The following SP140 variants were observed in gnomAD, a reference collection of about 807,000 sequenced individuals.
SP140 encodes SP140 nuclear body protein.
A neutral mutation model predicts 125.0 loss-of-function variants in SP140; 81 were observed. The observed-to-expected ratio is 0.65, with a 90% confidence interval of 0.54 to 0.78. The LOEUF is 0.78. SP140 is among the 30% of genes least tolerant of loss of function. SP140 has a pLI of 0.00. For missense variants in SP140, 858 were observed against 1,037.0 expected (o/e 0.83, Z 2.37); for synonymous variants, 312 against 354.0 (o/e 0.88, Z 1.33).
intron 15 of SP140, among the ~76,000 whole-genome samples, chr2:230,276,599 C>G (rs2054745460): frequency 6.6e-6 from 1 of 152,062 alleles, no homozygotes; most frequent in Non-Finnish European, 1.5e-5. Flanking sequence ...ATTCTGCAGC[C>G]CATGGATCAA....
At position 230,272,357 on chromosome 2, in the gene SP140, C is replaced by A. The variant is rs2054054841; in HGVS notation, c.1498+1718C>A. ...TAACTGATATGGTTTGGCTGTGTCCCCACTCAAATCTCATCTTGAATTGTA... is the reference window on the plus strand; with the variant it reads ...TAACTGATATGGTTTGGCTGTGTCCACACTCAAATCTCATCTTGAATTGTA... On this transcript the variant is annotated intron_variant, in intron 15 of 26. Transcript: ENST00000392045. Among the ~76,000 whole-genome samples the A allele has an allele frequency of 2.6e-5, 4 of 152,124 alleles. No homozygotes were observed. The South Asian group carries it at 8.3e-4, about 31-fold the overall frequency.
chr2:230,281,233 A>G (rs1437013720), intron 15 of SP140, among the ~76,000 whole-genome samples: 2 of 152,212 alleles, frequency 1.3e-5, no homozygotes, highest in Non-Finnish European at 2.9e-5. Flanking sequence ...TAGATTCACA[A>G]TTAACATTGT....
At chr2:230,289,174 A>G (rs1332046630) in intron 18 of SP140, among the ~76,000 whole-genome samples, 1 of 152,158 alleles carries the variant, frequency 6.6e-6, no homozygotes, top group Non-Finnish European at 1.5e-5. Flanking sequence ...CTGGCGTGAG[A>G]TGGTATCTCA....
intron 15 of SP140, among the ~76,000 whole-genome samples, chr2:230,272,529 G>C (rs2054083555): frequency 6.6e-6 from 1 of 152,086 alleles, no homozygotes; most frequent in African/African-American, 2.4e-5. Flanking sequence ...CCCTGCACAA[G>C]CTCTCTCTCT....
In SP140 at chr2:230,312,573, A is replaced by G; in HGVS notation, c.2506-13A>G. 1 of 1,562,972 alleles carries G rather than the reference A, an allele frequency of 6.4e-7. No individual in the cohort carries two copies. The highest frequency in any genetic ancestry group is 8.8e-7 in the Non-Finnish European group (1 of 1,136,726). ...GATGAGGAGCATTGTTTTTGTCTTT[A>G]TTATTTTTTCAGTACAAGGATTTTG... On this transcript the variant is annotated splice_polypyrimidine_tract_variant and intron_variant, in intron 26 of 26. Transcript: ENST00000392045.
chr2:230,187,741 A>C, the SP140 span, among the ~76,000 whole-genome samples: 2 of 152,170 alleles, frequency 1.3e-5, no homozygotes, highest in African/African-American at 4.8e-5. Flanking sequence ...CCATTTATTA[A>C]ATATGGTGTC....
chr2:230,227,218 C>A (rs775799354), intron 1 of SP140, among the ~76,000 whole-genome samples: 2 of 152,100 alleles, frequency 1.3e-5, no homozygotes, highest in Non-Finnish European at 2.9e-5. Context: ...TGGTACAGCC[C>A]CAAGAAAGCA....
intron 3 of SP140, chr2:230,220,249 G>C (rs1261873864): frequency 6.1e-6 from 1 of 162,856 alleles, no homozygotes; most frequent in Non-Finnish European, 1.3e-5. Context: ...TGGGAACTCA[G>C]CGTCCAAATG....
At chr2:230,206,595 T>TTTTATATATATATATATA (rs1317441117) in intron 1 of SP140, among the ~76,000 whole-genome samples, 1 of 70,530 alleles carries the variant, frequency 1.4e-5, no homozygotes, top group Non-Finnish European at 2.8e-5. Flanking sequence ...GGTCCAGATT[T>TTTTATATATATATATATA]TATATATATA....
At chr2:230,241,555 C>A in intron 4 of SP140, 68 bp downstream of exon 4, 5 of 879,552 alleles carry the variant, frequency 5.7e-6, no homozygotes, top group Non-Finnish European at 9.6e-6. Flanking sequence ...GGAGGCAAAT[C>A]TTGTATTTCC....
chr2:230,275,608 A>C (rs2054602073), intron 15 of SP140, among the ~76,000 whole-genome samples: 1 of 152,200 alleles, frequency 6.6e-6, no homozygotes, highest in Non-Finnish European at 1.5e-5. Context: ...GAGACAAAAA[A>C]ATATGGAAAT....
intron 1 of SP140, among the ~76,000 whole-genome samples, chr2:230,212,074 C>T (rs1355029752): frequency 1.3e-5 from 2 of 152,136 alleles, no homozygotes; most frequent in Non-Finnish European, 2.9e-5. Context: ...AATGTTGAAA[C>T]TCTAAGGCCC....
chr2:230,204,488 A>G (rs551650494), intron 1 of SP140, among the ~76,000 whole-genome samples: 81 of 152,280 alleles, frequency 5.3e-4, no homozygotes, highest in Admixed American at 2.4e-3. Context: ...TTGTATCTAC[A>G]CCACGTGGTG....
At chr2:230,193,092 A>G in the SP140 span, among the ~76,000 whole-genome samples, 4 of 152,180 alleles carry the variant, frequency 2.6e-5, no homozygotes, top group Admixed American at 6.5e-5. Flanking sequence ...TGATCCTTTT[A>G]TCATTATATA....
intron 22 of SP140, among the ~76,000 whole-genome samples, chr2:230,309,565 G>T (rs1214450872): frequency 6.6e-6 from 1 of 152,154 alleles, no homozygotes; most frequent in Non-Finnish European, 1.5e-5. Context: ...TTGATTTGTG[G>T]TATAGGCAAA....
At chr2:230,227,351 T>C (rs2046595763) in intron 1 of SP140, among the ~76,000 whole-genome samples, 1 of 152,166 alleles carries the variant, frequency 6.6e-6, no homozygotes, top group East Asian at 1.9e-4. Flanking sequence ...GAAGGGAAGA[T>C]GAGCCAGCGG....
At chr2:230,191,071 A>G in the SP140 span, among the ~76,000 whole-genome samples, 26 of 152,282 alleles carry the variant, frequency 1.7e-4, no homozygotes, top group Admixed American at 4.6e-4. Context: ...AATTTAAAAT[A>G]GTTTTTTTTT....
rs1482386959 is a variant in SP140, at chr2:230,248,845, G to A, written c.893-40G>A. ...TGAACACACTGAGGCCTGTGTCCAA[G>A]TCACCCTCTGTGGTCTGTCAATTTC... is the stretch of plus-strand genomic sequence containing the variant. On this transcript the variant is annotated intron_variant, in intron 8 of 26. Transcript: ENST00000392045. 5.2e-6 allele frequency: 8 copies of A among 1,533,824 alleles called. No homozygotes were observed. In the Admixed American group the frequency reaches 1.2e-4, roughly 22 times the overall value.
At chr2:230,269,712 T>G in intron 13 of SP140, 94 bp downstream of exon 13, 1 of 1,060,352 alleles carries the variant, frequency 9.4e-7, no homozygotes, top group Non-Finnish European at 1.4e-6. Flanking sequence ...GAGTCAAATA[T>G]AAGGAGGAGC....
Sources: allele counts gnomAD v4.1 joint callset (sites outside exome capture counted in the v4.1 genomes callset), GRCh38; gene constraint gnomAD v4.1.1; transcripts MANE v1.5; gene names NCBI Gene and HGNC (gene_info 2026-07-23, HGNC 2026-07-21).